The following CTNNA3 variants were observed in gnomAD, a reference collection of about 807,000 sequenced individuals.
CTNNA3 encodes catenin alpha 3.
CTNNA3 carries 76 observed loss-of-function variants against 95.7 expected under a neutral mutation model. The ratio of observed to expected loss-of-function variants is 0.79; its 90% confidence interval spans 0.66 to 0.96. The LOEUF is 0.96. Ranked by LOEUF, CTNNA3 falls within the 40% of genes least tolerant of loss-of-function variation. The pLI, the probability that CTNNA3 is intolerant of heterozygous loss-of-function variation, is 0.00. For missense variants in CTNNA3, 1,191 were observed against 1,089.8 expected, an observed-to-expected ratio of 1.09 and a Z score of -1.31; for synonymous variants, 431 against 374.4, an observed-to-expected ratio of 1.15 and a Z score of -1.74.
intron 7 of CTNNA3, among the ~76,000 whole-genome samples, chr10:66,858,457 A>T (rs1472408559): frequency 6.6e-6 from 1 of 152,016 alleles, no homozygotes; most frequent in Admixed American, 6.6e-5. Flanking sequence ...ATATTTTGGA[A>T]CAGTTTTAGT....
intron 7 of CTNNA3, among the ~76,000 whole-genome samples, chr10:66,889,790 C>CTTT (rs71468807): frequency 7.6e-6 from 1 of 131,080 alleles, no homozygotes; most frequent in African/African-American, 2.8e-5. Flanking sequence ...AACCACAGAC[C>CTTT]TTTTTTTTTT....
At chr10:67,566,626 A>G (rs1003521078) in intron 3 of CTNNA3, among the ~76,000 whole-genome samples, 6 of 152,098 alleles carry the variant, frequency 3.9e-5, no homozygotes, top group African/African-American at 1.4e-4. Flanking sequence ...TTCCTCAGGG[A>G]TCTAGAACTA....
intron 15 of CTNNA3, among the ~76,000 whole-genome samples, chr10:66,047,275 T>G (rs2079848564): frequency 6.6e-6 from 1 of 152,162 alleles, no homozygotes; most frequent in African/African-American, 2.4e-5. Context: ...GAAAGACTAA[T>G]CCACTATGAT....
chr10:65,977,784 T>C, intron 16 of CTNNA3, among the ~76,000 whole-genome samples: 1 of 151,534 alleles, frequency 6.6e-6, no homozygotes, highest in East Asian at 1.9e-4. Context: ...GTCTCAAAAA[T>C]TAAAAAAATA....
intron 13 of CTNNA3, among the ~76,000 whole-genome samples, chr10:66,271,985 T>C (rs2091292296): frequency 3.9e-5 from 6 of 152,296 alleles, no homozygotes. Flanking sequence ...GGCCATTAAA[T>C]GTGCTGAGAG....
chr10:67,127,673 C>T (rs1017977288), intron 7 of CTNNA3, among the ~76,000 whole-genome samples: 1 of 152,166 alleles, frequency 6.6e-6, no homozygotes. Context: ...ACCGAGATTC[C>T]TGTCTAGGTA....
chr10:66,437,445 A>G (rs1367196509), intron 11 of CTNNA3, among the ~76,000 whole-genome samples: 1 of 151,878 alleles, frequency 6.6e-6, no homozygotes, highest in Admixed American at 6.6e-5. Flanking sequence ...TTGATCTTCA[A>G]TCTCTGATAT....
intron 15 of CTNNA3, among the ~76,000 whole-genome samples, chr10:66,068,653 TA>T (rs2080364871): frequency 6.6e-6 from 1 of 152,300 alleles, no homozygotes; most frequent in South Asian, 2.1e-4. Context: ...TATCCTTCTG[TA>T]CTGTGGCTTT....
rs373528635 is a variant in CTNNA3, at chr10:66,266,189, G to C, written c.1884+14281C>G. On this transcript the variant is annotated intron_variant, in intron 13 of 17. Coordinates refer to ENST00000433211, the MANE Select transcript of CTNNA3 (RefSeq NM_013266.4). ...GAAGGAAGGAAGGGGCTCTGAAAAC[G>C]TGCCATAAGTAAGGCAAGTGTGATA... Among the ~76,000 whole-genome samples, 48 of 151,338 alleles carry C rather than the reference G, an allele frequency of 3.2e-4. No individual in the cohort carries two copies. In the South Asian group the frequency reaches 1.0e-2, roughly 31 times the overall value.
chr10:66,882,881 T>C (rs889061005), intron 7 of CTNNA3, among the ~76,000 whole-genome samples: 6 of 152,098 alleles, frequency 3.9e-5, no homozygotes, highest in Admixed American at 2.6e-4. Flanking sequence ...ACAACTGTTA[T>C]AGGAGATAAA....
At chr10:67,494,873 A>G (rs1016135254) in intron 5 of CTNNA3, among the ~76,000 whole-genome samples, 1 of 152,204 alleles carries the variant, frequency 6.6e-6, no homozygotes, top group African/African-American at 2.4e-5. Context: ...TGATTCCTTC[A>G]CTGGCTCAGG....
chr10:67,578,401 T>C (rs1328497955), intron 3 of CTNNA3, among the ~76,000 whole-genome samples: 1 of 142,098 alleles, frequency 7.0e-6, no homozygotes, highest in African/African-American at 2.6e-5. Flanking sequence ...CTATTGTAAA[T>C]AAGATTTACT....
At chr10:66,429,886 T>C (rs879859550) in intron 11 of CTNNA3, among the ~76,000 whole-genome samples, 162 of 151,910 alleles carry the variant, frequency 1.1e-3, no homozygotes, top group Non-Finnish European at 2.0e-3. Flanking sequence ...CAACATAGTG[T>C]TGGAAGTTCT....
chr10:67,004,993 C>T (rs1303185777), intron 7 of CTNNA3, among the ~76,000 whole-genome samples: 2 of 152,138 alleles, frequency 1.3e-5, no homozygotes, highest in African/African-American at 4.8e-5. Flanking sequence ...TTACTATTTA[C>T]TCGCCAAACC....
At chr10:67,595,029 G>GCTC (rs1842897218) in intron 3 of CTNNA3, among the ~76,000 whole-genome samples, 1 of 152,074 alleles carries the variant, frequency 6.6e-6, no homozygotes. Context: ...ATAGTCTCCA[G>GCTC]CTCCATCCAA....
chr10:66,146,000 C>A (rs1404134968), intron 13 of CTNNA3, among the ~76,000 whole-genome samples: 1 of 151,998 alleles, frequency 6.6e-6, no homozygotes, highest in African/African-American at 2.4e-5. Flanking sequence ...ACTATAGGCA[C>A]GCGCCACCAA....
intron 7 of CTNNA3, among the ~76,000 whole-genome samples, chr10:67,170,512 CAG>C (rs1303256231): frequency 6.6e-6 from 1 of 152,108 alleles, no homozygotes; most frequent in Admixed American, 6.5e-5. Context: ...TATACTAACA[CAG>C]AAACAGAAAA....
chr10:65,973,952 C>T (rs1371427999), intron 16 of CTNNA3, among the ~76,000 whole-genome samples: 1 of 152,006 alleles, frequency 6.6e-6, no homozygotes, highest in Non-Finnish European at 1.5e-5. Context: ...GGACACTTCT[C>T]AAAAGAAGAC....
intron 5 of CTNNA3, among the ~76,000 whole-genome samples, chr10:67,222,800 G>T (rs936601017): frequency 6.6e-6 from 1 of 152,160 alleles, no homozygotes; most frequent in Non-Finnish European, 1.5e-5. Context: ...TATACATTAT[G>T]CTTCTTTATT....
Sources: allele counts gnomAD v4.1 joint callset (sites outside exome capture counted in the v4.1 genomes callset), GRCh38; gene constraint gnomAD v4.1.1; transcripts MANE v1.5; gene names NCBI Gene and HGNC (gene_info 2026-07-23, HGNC 2026-07-21).